TRAPPC12: variants seen among roughly 807,000 people sequenced by gnomAD.
TRAPPC12 encodes the protein TPR repeat protein 15.
Under a neutral mutation model 69.2 loss-of-function variants are expected in TRAPPC12, and 61 were observed. The ratio of observed to expected loss-of-function variants is 0.88; its 90% CI spans 0.72 to 1.09. The LOEUF is 1.09. Ranked by LOEUF, TRAPPC12 falls within the 50% of genes least tolerant of loss-of-function variation. The pLI is 0.00. For missense variants in TRAPPC12, 1,101 were observed against 1,016.4 expected (o/e 1.08, Z -1.13); for synonymous variants, 469 against 438.9 (o/e 1.07, Z -0.86).
chr2:3,387,558 A>T, intron 1 of TRAPPC12, 62 bp from the exon 2 acceptor site: 1 of 1,299,792 alleles, frequency 7.7e-7, no homozygotes, highest in Non-Finnish European at 1.0e-6. Context: ...AGCAATACTC[A>T]TTTTTCGGTT....
At chr2:3,441,992 A>G in intron 5 of TRAPPC12, among the ~76,000 whole-genome samples, 1 of 152,356 alleles carries the variant, frequency 6.6e-6, no homozygotes, top group Middle Eastern at 3.4e-3. Flanking sequence ...ACTTTCTGCC[A>G]CCTTCTCAGG....
chr2:3,439,875 G>C (rs1664100733), intron 5 of TRAPPC12, among the ~76,000 whole-genome samples: 1 of 144,376 alleles, frequency 6.9e-6, no homozygotes, highest in South Asian at 2.1e-4. Context: ...TGTAAGATCT[G>C]TGTCTAGATT....
At chr2:3,393,259 A>T (rs576281985) in intron 2 of TRAPPC12, among the ~76,000 whole-genome samples, 1 of 150,700 alleles carries the variant, frequency 6.6e-6, no homozygotes, top group South Asian at 2.1e-4. Flanking sequence ...CAGACACAAA[A>T]TGATGAATAC....
chr2:3,443,889 A>T lies in TRAPPC12; in HGVS notation c.1528A>T (p.Lys510Ter). The change falls in exon 6 of 12, where the codon AAG (lysine) becomes TAG (stop). Residue 510 changes from lysine (K) to a stop codon, truncating the protein, a stop_gained and splice_region_variant. Transcript: ENST00000324266. LOFTEE classifies it high-confidence loss of function. The stretch of plus-strand genomic sequence containing the variant: ...GCACAAGGTGAAGACTGTCTGCAGC[A>T]AGGTAGGTGGCGCTGTCATTCTTCC... The part of the protein sequence containing the change: ...RLHKVKTVCS[K>*]ILANLEQGLA... 6.2e-7 allele frequency: 1 copy of T among 1,612,738 alleles called. No individual in the cohort carries two copies. The highest frequency in any genetic ancestry group is 8.5e-7 in the Non-Finnish European group (1 of 1,179,024).
intron 5 of TRAPPC12, among the ~76,000 whole-genome samples, chr2:3,427,107 G>A (rs559343838): frequency 2.6e-5 from 4 of 152,212 alleles, no homozygotes; most frequent in Admixed American, 2.6e-4. Flanking sequence ...TGTTTAATCA[G>A]TTATGCCTGG....
chr2:3,394,497 T>C (rs754750574), intron 2 of TRAPPC12, among the ~76,000 whole-genome samples: 2 of 152,102 alleles, frequency 1.3e-5, no homozygotes, highest in Non-Finnish European at 2.9e-5. Flanking sequence ...GGTGCACGCC[T>C]GTAGTCCCAG....
chr2:3,451,729 G>T (rs777054163), intron 6 of TRAPPC12, among the ~76,000 whole-genome samples: 25 of 152,034 alleles, frequency 1.6e-4, no homozygotes, highest in Non-Finnish European at 3.5e-4. Flanking sequence ...TCACTCTGTT[G>T]CCCAGGCTGG....
chr2:3,398,171 TTCAC>T (rs1661230228), intron 2 of TRAPPC12, among the ~76,000 whole-genome samples: 1 of 152,220 alleles, frequency 6.6e-6, no homozygotes, highest in Non-Finnish European at 1.5e-5. Context: ...ACTGTGAACA[TTCAC>T]ACACAGGCGT....
chr2:3,460,437 G>A, intron 8 of TRAPPC12, 101 bp downstream of exon 8: 1 of 724,010 alleles, frequency 1.4e-6, no homozygotes. Flanking sequence ...GCAGGGACCG[G>A]CCGTGCAGAG....
At position 3,478,939 on chromosome 2, in the gene TRAPPC12, A is replaced by T. The variant is rs763502945; in HGVS notation, c.1965+6A>T. 1 of 1,613,596 alleles carries T rather than the reference A, an allele frequency of 6.2e-7. No homozygotes were observed. The highest frequency in any genetic ancestry group is 2.2e-5 in the East Asian group (1 of 44,874). On this transcript the variant is annotated splice_donor_region_variant and intron_variant, in intron 11 of 11. Transcript: ENST00000324266. ...TGGATCCAAGAAACGCAGTGGTAAG[A>T]TCCCCAAGCTGCAGGATCCTCCATC...
In TRAPPC12 at chr2:3,478,863, G is replaced by T; in HGVS notation, c.1895G>T (p.Gly632Val). 1 of 1,614,028 alleles carries T rather than the reference G, an allele frequency of 6.2e-7. No homozygotes were observed. Among genetic ancestry groups the T allele is most frequent in the Non-Finnish European group, 8.5e-7 (1 of 1,180,024 alleles). The change falls in exon 11 of 12, where the codon GGG becomes GTG. Residue 632 changes from glycine (G) to valine (V), a missense_variant. Coordinates refer to ENST00000324266, the MANE Select transcript of TRAPPC12 (RefSeq NM_016030.6). ...VLMNSAFLHLGQNNFAEAHRF... is the reference protein window; with the variant it reads ...VLMNSAFLHLVQNNFAEAHRF... ...TGTTACAGCGCGTTCCTTCACCTCG[G>T]GCAGAATAACTTTGCAGAAGCCCAC...
At chr2:3,393,043 A>G (rs973401191) in intron 2 of TRAPPC12, among the ~76,000 whole-genome samples, 1 of 152,230 alleles carries the variant, frequency 6.6e-6, no homozygotes, top group Non-Finnish European at 1.5e-5. Context: ...CATGGTGTTC[A>G]AAGCTGCAAT....
chr2:3,412,456 G>A (rs1662116136), intron 3 of TRAPPC12, among the ~76,000 whole-genome samples: 1 of 152,210 alleles, frequency 6.6e-6, no homozygotes, highest in Middle Eastern at 3.2e-3. Flanking sequence ...CAGTACTCAG[G>A]AGGCTGAGGC....
rs1204481883 is a variant in TRAPPC12 at position 3,392,680 on chromosome 2, A to T, written c.1047+4010A>T. 1.1e-4 allele frequency among the ~76,000 whole-genome samples: 16 copies of T among 152,242 alleles called. 1 individual carries two copies. Among genetic ancestry groups the T allele is most frequent in the Non-Finnish European group, 2.4e-4 (16 of 68,040 alleles). On this transcript the variant is annotated intron_variant, in intron 2 of 11. Coordinates refer to ENST00000324266, the MANE Select transcript of TRAPPC12 (RefSeq NM_016030.6). The stretch of plus-strand genomic sequence containing the variant: ...CATGGCTGTTAACCGAAAACTCTGG[A>T]GACAGCAAGAGTTGGTGAGGGTGTG...
intron 9 of TRAPPC12, among the ~76,000 whole-genome samples, chr2:3,469,584 G>C (rs1286083756): frequency 6.6e-6 from 1 of 152,206 alleles, no homozygotes; most frequent in East Asian, 1.9e-4. Context: ...CCTCCAGCAA[G>C]AATAGCACTG....
At chr2:3,446,451 G>A (rs1664512063) in intron 6 of TRAPPC12, among the ~76,000 whole-genome samples, 1 of 152,226 alleles carries the variant, frequency 6.6e-6, no homozygotes, top group Non-Finnish European at 1.5e-5. Context: ...GGCACAGCTG[G>A]TGGATGCCTG....
intron 5 of TRAPPC12, 88 bp downstream of exon 5, chr2:3,424,751 T>G (rs2103060945): frequency 3.6e-6 from 5 of 1,386,152 alleles, no homozygotes; most frequent in Middle Eastern, 1.9e-4. Flanking sequence ...AGCCTCAGTT[T>G]TCCTTATTTA....
At chr2:3,468,359 G>A (rs73910541) in intron 9 of TRAPPC12, among the ~76,000 whole-genome samples, 4,634 of 151,992 alleles carry the variant, frequency 0.03, 147 homozygotes, top group South Asian at 0.096. Context: ...GACAGACCCC[G>A]ACCCTGGTCC....
At chr2:3,452,164 G>A (rs561562320) in intron 6 of TRAPPC12, among the ~76,000 whole-genome samples, 2 of 152,010 alleles carry the variant, frequency 1.3e-5, no homozygotes, top group African/African-American at 4.8e-5. Context: ...GGGAGGCTCC[G>A]TCATACACCC....
Sources: allele counts gnomAD v4.1 joint callset (sites outside exome capture counted in the v4.1 genomes callset), GRCh38; gene constraint gnomAD v4.1.1; transcripts MANE v1.5; gene names NCBI Gene and HGNC (gene_info 2026-07-23, HGNC 2026-07-21).